Variants in EFNA5 observed in about 807,000 individuals in gnomAD.
EFNA5 encodes the protein ephrin A5.
Under a neutral mutation model 22.9 loss-of-function variants are expected in EFNA5, and 5 were observed. That is an observed-to-expected ratio of 0.22 (90% CI 0.11 to 0.46). The LOEUF is 0.46. Ranked by LOEUF, EFNA5 falls within the 20% of genes least tolerant of loss-of-function variation. The pLI is 0.99. For missense variants in EFNA5, 237 were observed against 293.3 expected (o/e 0.81, Z 1.40); for synonymous variants, 113 against 112.2 (o/e 1.01, Z -0.04).
intron 1 of EFNA5, among the ~76,000 whole-genome samples, chr5:107,513,130 C>T (rs1747407259): frequency 1.3e-5 from 2 of 152,164 alleles, no homozygotes; most frequent in African/African-American, 4.8e-5. Flanking sequence ...CACCATGCCT[C>T]TGTAGCTTTG....
intron 2 of EFNA5, among the ~76,000 whole-genome samples, chr5:107,395,196 G>A (rs1747890609): frequency 6.6e-6 from 1 of 151,844 alleles, no homozygotes; most frequent in Non-Finnish European, 1.5e-5. Context: ...ATGCCAACAT[G>A]CCTGGCTAAT....
chr5:107,522,745 T>C (rs892704886), intron 1 of EFNA5, among the ~76,000 whole-genome samples: 1 of 152,160 alleles, frequency 6.6e-6, no homozygotes, highest in Non-Finnish European at 1.5e-5. Flanking sequence ...GGAGTCAACT[T>C]CATTGACTAC....
At chr5:107,433,294 T>C (rs1455957135) in intron 1 of EFNA5, among the ~76,000 whole-genome samples, 2 of 152,206 alleles carry the variant, frequency 1.3e-5, no homozygotes, top group Admixed American at 6.5e-5. Context: ...GTCATATATA[T>C]TATAAAAGGG....
chr5:107,608,595 C>T lies in EFNA5; in HGVS notation c.125+61894G>A, dbSNP rs570900069. 1.4e-3 allele frequency among the ~76,000 whole-genome samples: 217 copies of T among 152,338 alleles called. 2 individuals carry two copies. Among genetic ancestry groups the T allele is most frequent in the Non-Finnish European group, 1.8e-4 (12 of 68,042 alleles). On this transcript the variant is annotated intron_variant, in intron 1 of 4. Coordinates refer to ENST00000333274, the MANE Select transcript of EFNA5 (RefSeq NM_001962.3). ...CCGGGAGGCCACCAGCAGCAAGGTC[C>T]TGAGCTCCCAAGAGAGGTGCCCCTT...
intron 1 of EFNA5, among the ~76,000 whole-genome samples, chr5:107,461,426 T>C (rs981216783): frequency 1.3e-5 from 2 of 152,102 alleles, no homozygotes; most frequent in African/African-American, 4.8e-5. Context: ...AACAGCATCT[T>C]TGGGAATCCA....
At chr5:107,444,454 G>T (rs1749340760) in intron 1 of EFNA5, among the ~76,000 whole-genome samples, 1 of 152,140 alleles carries the variant, frequency 6.6e-6, no homozygotes, top group Non-Finnish European at 1.5e-5. Flanking sequence ...TTAAAAGTTT[G>T]CATAAGCAAG....
intron 1 of EFNA5, among the ~76,000 whole-genome samples, chr5:107,533,845 T>A (rs1047275192): frequency 2.6e-5 from 4 of 152,184 alleles, no homozygotes; most frequent in Non-Finnish European, 4.4e-5. Context: ...GTAACAAAAA[T>A]AATTAAACAT....
chr5:107,500,108 A>G (rs970745102), intron 1 of EFNA5, among the ~76,000 whole-genome samples: 4 of 152,100 alleles, frequency 2.6e-5, no homozygotes, highest in African/African-American at 7.2e-5. Flanking sequence ...CTCTCTTTTT[A>G]TTCACCCAAA....
At chr5:107,541,000 G>A (rs1255888302) in intron 1 of EFNA5, among the ~76,000 whole-genome samples, 1 of 152,002 alleles carries the variant, frequency 6.6e-6, no homozygotes, top group Non-Finnish European at 1.5e-5. Flanking sequence ...CCAGCTACTC[G>A]GGAGGCTGAG....
At chr5:107,592,947 T>G (rs896824786) in intron 1 of EFNA5, among the ~76,000 whole-genome samples, 1 of 152,150 alleles carries the variant, frequency 6.6e-6, no homozygotes, top group East Asian at 1.9e-4. Flanking sequence ...TAAATAGCCA[T>G]GAGGAAGCAG....
At chr5:107,486,971 T>C (rs762635432) in intron 1 of EFNA5, among the ~76,000 whole-genome samples, 1 of 152,174 alleles carries the variant, frequency 6.6e-6, no homozygotes, top group Non-Finnish European at 1.5e-5. Flanking sequence ...ATACTCCACA[T>C]TGCTGCTAGA....
intron 1 of EFNA5, among the ~76,000 whole-genome samples, chr5:107,612,844 T>C (rs1022399078): frequency 1.5e-4 from 23 of 152,138 alleles, no homozygotes; most frequent in African/African-American, 5.5e-4. Context: ...CTGTAAAATC[T>C]GCAATAAGAT....
Position 107,625,556 on chromosome 5 carries a change from TTAAG to T in EFNA5, c.125+44929_125+44932del, listed in dbSNP as rs1335644015. ...TACTCTAATTCCTTATTAATTGGTG[TTAAG>T]TAAGAATTACCAGATTATTCCAAAG... On this transcript the variant is annotated intron_variant, in intron 1 of 4. Coordinates refer to ENST00000333274, the MANE Select transcript of EFNA5 (RefSeq NM_001962.3). 2.0e-5 allele frequency among the ~76,000 whole-genome samples: 3 copies of T among 152,282 alleles called. No homozygotes were observed. The East Asian group carries it at 5.8e-4, about 29-fold the overall frequency.
intron 1 of EFNA5, among the ~76,000 whole-genome samples, chr5:107,502,760 G>A (rs557548165): frequency 6.6e-6 from 1 of 152,124 alleles, no homozygotes; most frequent in Non-Finnish European, 1.5e-5. Flanking sequence ...CCTCAGGATG[G>A]AACGACTCGC....
intron 1 of EFNA5, among the ~76,000 whole-genome samples, chr5:107,545,028 C>A (rs1038769436): frequency 2.0e-5 from 3 of 152,210 alleles, no homozygotes; most frequent in African/African-American, 7.2e-5. Context: ...CCACTGATGA[C>A]AAACATAACC....
At chr5:107,381,942 G>GT (rs1285781920) in intron 4 of EFNA5, among the ~76,000 whole-genome samples, 1 of 152,186 alleles carries the variant, frequency 6.6e-6, no homozygotes, top group Non-Finnish European at 1.5e-5. Context: ...ATCATGCCTA[G>GT]TAAACTTCAA....
chr5:107,644,155 G>A lies in EFNA5; in HGVS notation c.125+26334C>T, dbSNP rs533094780. Among the ~76,000 whole-genome samples the A allele has an allele frequency of 4.6e-5, 7 of 152,152 alleles. No individual in the cohort carries two copies. In the South Asian group the frequency reaches 1.0e-3, roughly 23 times the overall value. On this transcript the variant is annotated intron_variant, in intron 1 of 4. Transcript: ENST00000333274. ...TGCCCATGGATCCTTTAGAAGTGGC[G>A]ATACAAGCTGAAAGATGCAGGCGGA...
intron 2 of EFNA5, among the ~76,000 whole-genome samples, chr5:107,404,982 A>G (rs569428435): frequency 3.3e-5 from 5 of 152,112 alleles, no homozygotes; most frequent in Admixed American, 2.0e-4. Flanking sequence ...TAACTGTCGT[A>G]CTCCTTTTTT....
intron 1 of EFNA5, among the ~76,000 whole-genome samples, chr5:107,535,292 C>T (rs1747903846): frequency 2.0e-5 from 3 of 152,068 alleles, no homozygotes; most frequent in Admixed American, 2.0e-4. Flanking sequence ...CCTAATGACC[C>T]CCACCTAACA....
Sources: gnomAD v4.1 joint callset for allele counts (sites outside exome capture counted in the v4.1 genomes callset) on GRCh38, gnomAD v4.1.1 for gene constraint, MANE v1.5 for transcripts, NCBI Gene and HGNC (gene_info 2026-07-23, HGNC 2026-07-21) for gene names.